Variants in ADAMTS19 observed in about 807,000 individuals in gnomAD.
ADAMTS19 encodes A disintegrin and metalloproteinase with thrombospondin motifs 19.
ADAMTS19 carries 93 observed loss-of-function variants against 153.3 expected under a neutral mutation model. The ratio of observed to expected loss-of-function variants is 0.61; its 90% CI spans 0.51 to 0.72. The LOEUF is 0.72. Among genes scored for constraint, ADAMTS19 ranks in the 30% least tolerant of loss-of-function variants. ADAMTS19 has a pLI of 0.00. For synonymous variants in ADAMTS19, 600 were observed against 556.6 expected (o/e 1.08, Z -1.10); for missense variants, 1,482 against 1,552.1 (o/e 0.95, Z 0.76).
intron 7 of ADAMTS19, among the ~76,000 whole-genome samples, chr5:129,572,380 A>G (rs1041582798): frequency 1.3e-5 from 2 of 151,990 alleles, no homozygotes; most frequent in Non-Finnish European, 2.9e-5. Context: ...CTAAAGGTAA[A>G]TATGCACTTA....
At chr5:129,636,151 C>T (rs1292325703) in intron 10 of ADAMTS19, among the ~76,000 whole-genome samples, 1 of 152,182 alleles carries the variant, frequency 6.6e-6, no homozygotes, top group Non-Finnish European at 1.5e-5. Flanking sequence ...CCTGCCCTGG[C>T]CTCCCAAAGT....
chr5:129,650,389 C>T (rs79306519), intron 13 of ADAMTS19, among the ~76,000 whole-genome samples: 5,947 of 152,128 alleles, frequency 0.039, 177 homozygotes, highest in Non-Finnish European at 0.057. Context: ...TTTCAGTGCC[C>T]CCATCTGATG....
chr5:129,474,412 A>G (rs796186144), intron 2 of ADAMTS19, among the ~76,000 whole-genome samples: 5 of 152,244 alleles, frequency 3.3e-5, no homozygotes, highest in African/African-American at 1.2e-4. Flanking sequence ...CCTGTTAGGT[A>G]GATACCTAGG....
intron 15 of ADAMTS19, among the ~76,000 whole-genome samples, chr5:129,659,227 A>AAGATGTG (rs79586682): frequency 0.091 from 13,800 of 152,132 alleles, 679 homozygotes; most frequent in African/African-American, 0.11. Flanking sequence ...GAGGCGTCAG[A>AAGATGTG]AGATGTGAGA....
chr5:129,728,709 C>T (rs548962638), intron 21 of ADAMTS19, among the ~76,000 whole-genome samples: 1 of 152,202 alleles, frequency 6.6e-6, no homozygotes, highest in South Asian at 2.1e-4. Context: ...TGGTAGTAAT[C>T]TACTTCTAAC....
intron 10 of ADAMTS19, among the ~76,000 whole-genome samples, chr5:129,632,262 A>T (rs945567520): frequency 1.3e-5 from 2 of 152,072 alleles, no homozygotes; most frequent in African/African-American, 4.8e-5. Flanking sequence ...TTATTATAGT[A>T]CTATTTCATT....
chr5:129,499,163 G>T (rs906233902), intron 2 of ADAMTS19, among the ~76,000 whole-genome samples: 4 of 151,956 alleles, frequency 2.6e-5, no homozygotes, highest in Non-Finnish European at 5.9e-5. Flanking sequence ...AGAATTCATA[G>T]ATAGCCCAAA....
At chr5:129,584,140 A>C (rs529557808) in intron 7 of ADAMTS19, among the ~76,000 whole-genome samples, 1 of 152,052 alleles carries the variant, frequency 6.6e-6, no homozygotes, top group East Asian at 1.9e-4. Context: ...TTCCCTTCTA[A>C]CAGTCAGGCC....
chr5:129,600,224 C>A (rs1750583614), intron 8 of ADAMTS19, among the ~76,000 whole-genome samples: 1 of 152,112 alleles, frequency 6.6e-6, no homozygotes. Context: ...CACACACACA[C>A]AAACACATAC....
At chr5:129,690,269 G>A (rs1175182713) in intron 18 of ADAMTS19, among the ~76,000 whole-genome samples, 1 of 152,182 alleles carries the variant, frequency 6.6e-6, no homozygotes, top group Non-Finnish European at 1.5e-5. Flanking sequence ...TCGGTGCAAA[G>A]GCACCCACGT....
intron 10 of ADAMTS19, among the ~76,000 whole-genome samples, chr5:129,629,918 A>G (rs1009881959): frequency 2.6e-5 from 4 of 152,076 alleles, no homozygotes; most frequent in Non-Finnish European, 2.9e-5. Context: ...GCCCCGTAGG[A>G]GTTAACCTTT....
intron 18 of ADAMTS19, among the ~76,000 whole-genome samples, chr5:129,692,688 G>A (rs1755387594): frequency 6.6e-6 from 1 of 152,212 alleles, no homozygotes; most frequent in Admixed American, 6.5e-5. Context: ...AAGCCATGCA[G>A]CCTGCTGTGG....
intron 10 of ADAMTS19, among the ~76,000 whole-genome samples, chr5:129,626,090 A>G (rs897131848): frequency 3.3e-5 from 5 of 152,148 alleles, no homozygotes; most frequent in African/African-American, 1.2e-4. Flanking sequence ...TATTTTACAA[A>G]TCAACAATTT....
chr5:129,493,337 C>T lies in ADAMTS19; in HGVS notation c.748-15740C>T, dbSNP rs188078010. Reference sequence around the variant, plus strand: ...CCAAGAATGATCATGATTCCACGCCCGTTTCTCTACTTGTTTTTATTTTTT... The same window carrying T: ...CCAAGAATGATCATGATTCCACGCCTGTTTCTCTACTTGTTTTTATTTTTT... On this transcript the variant is annotated intron_variant, in intron 2 of 22. Coordinates refer to ENST00000274487, the MANE Select transcript of ADAMTS19 (RefSeq NM_133638.6). Among the ~76,000 whole-genome samples the T allele has an allele frequency of 4.0e-5, 6 of 151,852 alleles. No individual in the cohort carries two copies. The East Asian group carries it at 5.8e-4, about 15-fold the overall frequency.
intron 18 of ADAMTS19, among the ~76,000 whole-genome samples, chr5:129,684,956 C>T (rs566360178): frequency 6.6e-6 from 1 of 150,896 alleles, no homozygotes; most frequent in South Asian, 2.1e-4. Flanking sequence ...CACTGCACTC[C>T]AGCCTCAGTG....
At chr5:129,505,384 T>A (rs144923668) in intron 2 of ADAMTS19, among the ~76,000 whole-genome samples, 1 of 152,132 alleles carries the variant, frequency 6.6e-6, no homozygotes, top group Non-Finnish European at 1.5e-5. Flanking sequence ...TCCTTCTAAC[T>A]TTTTAGTTAG....
At chr5:129,709,346 A>G (rs1315892190) in intron 21 of ADAMTS19, among the ~76,000 whole-genome samples, 2 of 152,050 alleles carry the variant, frequency 1.3e-5, no homozygotes, top group African/African-American at 4.8e-5. Context: ...AAATATATTG[A>G]CTACTTAGTA....
Position 129,587,482 on chromosome 5 carries a change from A to G in ADAMTS19, c.1373-9077A>G, listed in dbSNP as rs78445312. On this transcript the variant is annotated intron_variant, in intron 7 of 22. Transcript: ENST00000274487. ...TTAATTTTTAGAAATCTCTGCAGCA[A>G]TGGAGGTTCCAGATGATATTATTAT... is the stretch of plus-strand genomic sequence containing the variant. Among the ~76,000 whole-genome samples, 659 of 152,242 alleles carry G rather than the reference A, an allele frequency of 4.3e-3. 4 individuals carry two copies. The highest frequency in any genetic ancestry group is 0.026 in the East Asian group (134 of 5,170).
At chr5:129,702,941 A>AAAAAATATATATATATATATATATAT in intron 20 of ADAMTS19, among the ~76,000 whole-genome samples, 1 of 29,302 alleles carries the variant, frequency 3.4e-5, no homozygotes, top group African/African-American at 8.5e-5. Flanking sequence ...AAAAAAAAAA[A>AAAAAATATATATATATATATATATAT]ATATATATAT....
Sources: allele counts gnomAD v4.1 joint callset (sites outside exome capture counted in the v4.1 genomes callset), GRCh38; gene constraint gnomAD v4.1.1; transcripts MANE v1.5; gene names NCBI Gene and HGNC (gene_info 2026-07-23, HGNC 2026-07-21).